Variants in GALNT10 observed in about 807,000 individuals in gnomAD.
GALNT10 encodes polypeptide N-acetylgalactosaminyltransferase 10, also known as GalNAc transferase 10.
A neutral mutation model predicts 75.0 loss-of-function variants in GALNT10; 41 were observed. The ratio of observed to expected loss-of-function variants is 0.55; its 90% CI spans 0.43 to 0.71. GALNT10 has a LOEUF of 0.71. Ranked by LOEUF, GALNT10 falls within the 30% of genes least tolerant of loss-of-function variation. The pLI is 0.00. For synonymous variants in GALNT10, 302 were observed against 313.0 expected, an observed-to-expected ratio of 0.96 and a Z score of 0.37; for missense variants, 727 against 818.5, an observed-to-expected ratio of 0.89 and a Z score of 1.36.
chr5:154,324,947 A>G (rs1182319858), intron 3 of GALNT10, among the ~76,000 whole-genome samples: 3 of 152,164 alleles, frequency 2.0e-5, no homozygotes, highest in Non-Finnish European at 4.4e-5. Flanking sequence ...CAACCATAAA[A>G]TAAAATGGAG....
At chr5:154,331,152 A>T (rs1447642442) in intron 4 of GALNT10, among the ~76,000 whole-genome samples, 1 of 152,112 alleles carries the variant, frequency 6.6e-6, no homozygotes, top group African/African-American at 2.4e-5. Context: ...GGACTACCAC[A>T]TTGGTCCTGT....
intron 4 of GALNT10, among the ~76,000 whole-genome samples, chr5:154,353,506 T>A (rs1755242515): frequency 6.6e-6 from 1 of 152,086 alleles, no homozygotes; most frequent in Admixed American, 6.5e-5. Context: ...ATGAGCAACG[T>A]CCCTCAGGCG....
At chr5:154,308,970 A>C (rs1754472335) in intron 3 of GALNT10, among the ~76,000 whole-genome samples, 1 of 152,168 alleles carries the variant, frequency 6.6e-6, no homozygotes, top group Non-Finnish European at 1.5e-5. Context: ...CACTGGGGGT[A>C]GGGGTGGGAG....
chr5:154,351,595 G>A (rs1010948331), intron 4 of GALNT10, among the ~76,000 whole-genome samples: 127 of 152,222 alleles, frequency 8.3e-4, no homozygotes, highest in Non-Finnish European at 1.1e-3. Context: ...CACACACCTT[G>A]TTCCTGGCTC....
At chr5:154,260,965 A>G (rs2113023412) in intron 1 of GALNT10, among the ~76,000 whole-genome samples, 2 of 152,292 alleles carry the variant, frequency 1.3e-5, no homozygotes, top group Non-Finnish European at 2.9e-5. Flanking sequence ...GCCTCTGCAG[A>G]AAGTGTAGAC....
intron 1 of GALNT10, among the ~76,000 whole-genome samples, chr5:154,257,245 G>A (rs1374722047): frequency 1.3e-5 from 2 of 152,188 alleles, no homozygotes; most frequent in African/African-American, 2.4e-5. Flanking sequence ...CTAGCCAGTT[G>A]CAGAGTCCAT....
chr5:154,254,526 T>A (rs764626393), intron 1 of GALNT10, among the ~76,000 whole-genome samples: 9 of 151,322 alleles, frequency 5.9e-5, no homozygotes, highest in Middle Eastern at 6.8e-3. Context: ...TTTTTTTTTC[T>A]GTCTCCAGGT....
At chr5:154,209,397 G>T (rs929275048) in intron 1 of GALNT10, among the ~76,000 whole-genome samples, 1 of 152,220 alleles carries the variant, frequency 6.6e-6, no homozygotes, top group Non-Finnish European at 1.5e-5. Flanking sequence ...GTGAAGGTGG[G>T]TTTGGGGCTG....
chr5:154,388,402 G>A (rs1030555099), intron 7 of GALNT10: 2 of 152,232 alleles, frequency 1.3e-5, no homozygotes, highest in Non-Finnish European at 2.9e-5. Flanking sequence ...CCTGATCATA[G>A]CTAACAGGAC....
chr5:154,351,015 AC>A (rs1363660808), intron 4 of GALNT10, among the ~76,000 whole-genome samples: 1 of 152,232 alleles, frequency 6.6e-6, no homozygotes, highest in Admixed American at 6.5e-5. Flanking sequence ...TGCTGTGAGA[AC>A]TACTGTTGTA....
At position 154,329,836 on chromosome 5, in the gene GALNT10, T is replaced by C. The variant is rs571987364; in HGVS notation, c.568+98T>C. The C allele has an allele frequency of 5.6e-5, 43 of 772,836 alleles. No individual in the cohort carries two copies. In the East Asian group the frequency reaches 9.9e-4, roughly 18 times the overall value. 47.9% of individuals were successfully genotyped at this position (772,836 alleles called of 1,614,324 possible). On this transcript the variant is annotated intron_variant, in intron 4 of 11. Coordinates refer to ENST00000297107, the MANE Select transcript of GALNT10 (RefSeq NM_198321.4). ...TCCCTTCTTTAGCAGCATCAACATA[T>C]AGGCCATCATTGGCTAAATGCCTGG...
At chr5:154,371,199 G>A (rs1755557182) in intron 4 of GALNT10, among the ~76,000 whole-genome samples, 1 of 152,026 alleles carries the variant, frequency 6.6e-6, no homozygotes, top group Admixed American at 6.5e-5. Context: ...TCATCACACA[G>A]TATCCTCTCT....
intron 4 of GALNT10, among the ~76,000 whole-genome samples, chr5:154,371,012 A>G (rs1041635539): frequency 6.6e-6 from 1 of 152,148 alleles, no homozygotes; most frequent in Non-Finnish European, 1.5e-5. Context: ...CAAAAACTGG[A>G]TGGCTTAAAA....
chr5:154,410,805 G>A (rs1388601654), intron 9 of GALNT10, among the ~76,000 whole-genome samples: 1 of 152,196 alleles, frequency 6.6e-6, no homozygotes, highest in Non-Finnish European at 1.5e-5. Flanking sequence ...AGGGCAGAGA[G>A]GAACAGCGTG....
intron 7 of GALNT10, 90 bp from the exon 8 acceptor site, chr5:154,404,013 CT>C: frequency 1.1e-6 from 1 of 948,568 alleles, no homozygotes; most frequent in East Asian, 2.4e-5. Context: ...CAGGCTGATG[CT>C]TTTGCTGAGT....
intron 1 of GALNT10, among the ~76,000 whole-genome samples, chr5:154,249,392 A>G (rs1392946196): frequency 6.6e-6 from 1 of 152,174 alleles, no homozygotes; most frequent in Non-Finnish European, 1.5e-5. Flanking sequence ...GCAAATGCAC[A>G]CACCAATATT....
chr5:154,369,220 T>A (rs1755526078), intron 4 of GALNT10, among the ~76,000 whole-genome samples: 1 of 151,982 alleles, frequency 6.6e-6, no homozygotes, highest in African/African-American at 2.4e-5. Flanking sequence ...AAACCCCATC[T>A]CTACAAAAAA....
At chr5:154,265,657 C>T (rs1185670713) in intron 1 of GALNT10, among the ~76,000 whole-genome samples, 3 of 152,148 alleles carry the variant, frequency 2.0e-5, no homozygotes, top group African/African-American at 7.2e-5. Context: ...AGCGAACAGC[C>T]TCCTTTTACA....
At chr5:154,294,562 GTTCA>G (rs1308232296) in intron 1 of GALNT10, among the ~76,000 whole-genome samples, 1 of 152,140 alleles carries the variant, frequency 6.6e-6, no homozygotes, top group Non-Finnish European at 1.5e-5. Context: ...AAAAGAGTGT[GTTCA>G]TCTTTTTTCT....
Sources: allele counts gnomAD v4.1 joint callset (sites outside exome capture counted in the v4.1 genomes callset), GRCh38; gene constraint gnomAD v4.1.1; transcripts MANE v1.5; gene names NCBI Gene and HGNC (gene_info 2026-07-23, HGNC 2026-07-21).